The following MACROD2 variants were observed in gnomAD, a reference collection of about 807,000 sequenced individuals.
MACROD2 encodes ADP-ribose glycohydrolase MACROD2.
Under a neutral mutation model 70.4 loss-of-function variants are expected in MACROD2, and 36 were observed. The ratio of observed to expected loss-of-function variants is 0.51; its 90% CI spans 0.39 to 0.68. The LOEUF (loss-of-function observed/expected upper bound fraction) is 0.68. Among genes scored for constraint, MACROD2 ranks in the 30% least tolerant of loss-of-function variants. The pLI is 0.00. For synonymous variants in MACROD2, 172 were observed against 178.8 expected (o/e 0.96, Z 0.30); for missense variants, 496 against 538.4 (o/e 0.92, Z 0.78).
chr20:15,849,422 C>T (rs550530073), intron 8 of MACROD2, among the ~76,000 whole-genome samples: 16 of 152,144 alleles, frequency 1.1e-4, no homozygotes, highest in Non-Finnish European at 2.1e-4. Flanking sequence ...ATGGAAATGT[C>T]GAGAAAACGA....
chr20:15,498,852 A>G (rs1347265307), intron 7 of MACROD2, among the ~76,000 whole-genome samples: 1 of 152,228 alleles, frequency 6.6e-6, no homozygotes, highest in Non-Finnish European at 1.5e-5. Context: ...AAAACATAAA[A>G]AAACTAGTCA....
At chr20:15,392,392 TATC>T (rs1305566507) in intron 6 of MACROD2, among the ~76,000 whole-genome samples, 1 of 152,320 alleles carries the variant, frequency 6.6e-6, no homozygotes, top group Non-Finnish European at 1.5e-5. Context: ...GTGACACTAA[TATC>T]ATATTTAATG....
At chr20:15,262,338 T>C (rs1022783470) in intron 6 of MACROD2, among the ~76,000 whole-genome samples, 2 of 152,040 alleles carry the variant, frequency 1.3e-5, no homozygotes, top group Non-Finnish European at 2.9e-5. Context: ...CTTAACACAA[T>C]GACCTTCAGT....
chr20:15,965,478 A>G (rs2066127271), intron 12 of MACROD2, among the ~76,000 whole-genome samples: 1 of 152,218 alleles, frequency 6.6e-6, no homozygotes, highest in African/African-American at 2.4e-5. Flanking sequence ...ATGATTAACA[A>G]CAGTGAATTA....
chr20:14,837,281 A>C (rs796889710), intron 5 of MACROD2, among the ~76,000 whole-genome samples: 2 of 152,094 alleles, frequency 1.3e-5, no homozygotes, highest in Non-Finnish European at 2.9e-5. Context: ...AGACAAACTT[A>C]TCATTAGAAC....
intron 8 of MACROD2, among the ~76,000 whole-genome samples, chr20:15,601,869 A>T (rs1254619198): frequency 3.9e-5 from 6 of 152,072 alleles, no homozygotes; most frequent in African/African-American, 1.4e-4. Context: ...TCTACTAAAA[A>T]TACAAAAAAC....
At chr20:15,476,571 C>G (rs1385499878) in intron 7 of MACROD2, among the ~76,000 whole-genome samples, 1 of 68,104 alleles carries the variant, frequency 1.5e-5, no homozygotes, top group Non-Finnish European at 2.7e-5. Flanking sequence ...TGTTGTTTTG[C>G]CCCCCCCCGG....
chr20:14,186,072 A>T (rs540546328), intron 3 of MACROD2, among the ~76,000 whole-genome samples: 2 of 152,156 alleles, frequency 1.3e-5, no homozygotes, highest in East Asian at 3.9e-4. Context: ...GGCCTTTTTG[A>T]TGCCCAACCC....
At chr20:15,939,198 AG>A (rs1348731535) in intron 12 of MACROD2, among the ~76,000 whole-genome samples, 3 of 152,214 alleles carry the variant, frequency 2.0e-5, no homozygotes, top group Non-Finnish European at 4.4e-5. Context: ...GGCTACACTA[AG>A]CAACAGATTT....
At chr20:15,594,391 C>T (rs1002373902) in intron 8 of MACROD2, among the ~76,000 whole-genome samples, 2 of 151,482 alleles carry the variant, frequency 1.3e-5, no homozygotes, top group Non-Finnish European at 2.9e-5. Flanking sequence ...GGCTCCAGAT[C>T]GTACTACTGC....
chr20:14,096,306 A>G (rs1161257099), intron 3 of MACROD2, among the ~76,000 whole-genome samples: 1 of 151,924 alleles, frequency 6.6e-6, no homozygotes, highest in East Asian at 1.9e-4. Context: ...CCTGTGATGA[A>G]TAAATTGTAA....
At chr20:14,304,658 C>A (rs1306079479) in intron 3 of MACROD2, among the ~76,000 whole-genome samples, 2 of 152,156 alleles carry the variant, frequency 1.3e-5, no homozygotes, top group Non-Finnish European at 2.9e-5. Context: ...GTACTCTTAT[C>A]TCTGAACTCC....
chr20:15,858,598 C>T (rs774985659), intron 8 of MACROD2, among the ~76,000 whole-genome samples: 1 of 152,202 alleles, frequency 6.6e-6, no homozygotes, highest in African/African-American at 2.4e-5. Context: ...TGATGGTTAG[C>T]TCATGAATTT....
At chr20:15,976,186 T>C (rs886453545) in intron 13 of MACROD2, among the ~76,000 whole-genome samples, 1 of 152,232 alleles carries the variant, frequency 6.6e-6, no homozygotes, top group Non-Finnish European at 1.5e-5. Context: ...AAATGCTTCA[T>C]TCTAGACTGA....
At chr20:15,572,508 C>A (rs1249544983) in intron 8 of MACROD2, among the ~76,000 whole-genome samples, 1 of 152,108 alleles carries the variant, frequency 6.6e-6, no homozygotes, top group South Asian at 2.1e-4. Context: ...TTTATTCACT[C>A]TGATAAGAAC....
intron 4 of MACROD2, among the ~76,000 whole-genome samples, chr20:14,608,600 G>C (rs747033084): frequency 2.6e-5 from 4 of 152,162 alleles, no homozygotes; most frequent in Non-Finnish European, 4.4e-5. Context: ...GATGTGCCAG[G>C]ACTGTACTGG....
At chr20:15,472,381 C>T (rs78965210) in intron 7 of MACROD2, among the ~76,000 whole-genome samples, 3,328 of 152,180 alleles carry the variant, frequency 0.022, 92 homozygotes, top group African/African-American at 0.07. Flanking sequence ...TCTTACTTAA[C>T]TGCAGGCTTA....
intron 3 of MACROD2, among the ~76,000 whole-genome samples, chr20:14,421,560 G>A (rs2122895507): frequency 6.6e-6 from 1 of 152,242 alleles, no homozygotes; most frequent in Middle Eastern, 3.4e-3. Context: ...AAAACCAACA[G>A]CACTTGCTTT....
At chr20:15,953,347 A>G (rs751753925) in intron 12 of MACROD2, among the ~76,000 whole-genome samples, 4 of 152,174 alleles carry the variant, frequency 2.6e-5, no homozygotes, top group Non-Finnish European at 5.9e-5. Context: ...ATAGTTTCCA[A>G]TAGCCAGAAG....
Sources: allele counts gnomAD v4.1 joint callset (sites outside exome capture counted in the v4.1 genomes callset), GRCh38; gene constraint gnomAD v4.1.1; transcripts MANE v1.5; gene names NCBI Gene and HGNC (gene_info 2026-07-23, HGNC 2026-07-21).